CCDC171: variants seen among roughly 807,000 people sequenced by gnomAD.
CCDC171 encodes coiled-coil domain containing 171, also known as coiled-coil domain-containing protein 171.
A neutral mutation model predicts 168.2 loss-of-function variants in CCDC171; 177 were observed. The observed-to-expected ratio is 1.05, with a 90% CI of 0.93 to 1.19. CCDC171 has a LOEUF of 1.19. Ranked by LOEUF, CCDC171 falls within the 50% of genes most tolerant of loss-of-function variation. The probability of loss-of-function intolerance (pLI) is 0.00; values close to 1 mark genes in which losing one functional copy is unlikely to be tolerated. For synonymous variants in CCDC171, 687 were observed against 540.8 expected, an observed-to-expected ratio of 1.27 and a Z score of -3.75; for missense variants, 1,991 against 1,539.0, an observed-to-expected ratio of 1.29 and a Z score of -4.91.
At chr9:15,981,036 A>G (rs533657550) in intron 3 of CCDC171, among the ~76,000 whole-genome samples, 1 of 152,140 alleles carries the variant, frequency 6.6e-6, no homozygotes, top group South Asian at 2.1e-4. Flanking sequence ...GAAAACCCCC[A>G]TATAATAACC....
At chr9:15,644,467 A>G (rs1190092601) in intron 7 of CCDC171, among the ~76,000 whole-genome samples, 4 of 152,138 alleles carry the variant, frequency 2.6e-5, no homozygotes, top group Non-Finnish European at 5.9e-5. Flanking sequence ...GGGAAGTGCA[A>G]GGGGTCAGGG....
intron 25 of CCDC171, among the ~76,000 whole-genome samples, chr9:15,964,053 A>G (rs1349507226): frequency 1.3e-5 from 2 of 152,174 alleles, no homozygotes; most frequent in African/African-American, 4.8e-5. Context: ...TTTGACCATG[A>G]GGTAAAAGCC....
intron 7 of CCDC171, among the ~76,000 whole-genome samples, chr9:15,644,920 A>T (rs947311140): frequency 6.6e-6 from 1 of 152,202 alleles, no homozygotes; most frequent in Non-Finnish European, 1.5e-5. Context: ...GGAGTTTGAG[A>T]TCTGAGAACA....
At chr9:15,924,288 T>G (rs138690888) in intron 25 of CCDC171, among the ~76,000 whole-genome samples, 97 of 151,438 alleles carry the variant, frequency 6.4e-4, no homozygotes, top group African/African-American at 2.0e-3. Flanking sequence ...AAGTTTGGAT[T>G]CAGATTCTGG....
intron 7 of CCDC171, among the ~76,000 whole-genome samples, chr9:15,641,039 C>T (rs928902058): frequency 4.0e-5 from 6 of 151,824 alleles, no homozygotes; most frequent in South Asian, 2.1e-4. Context: ...AAATAAGCAT[C>T]GTAGAATTAA....
At chr9:15,729,844 T>A in intron 16 of CCDC171, 46 bp downstream of exon 16, 1 of 1,528,686 alleles carries the variant, frequency 6.5e-7, no homozygotes, top group African/African-American at 1.4e-5. Context: ...TTACTCAGTG[T>A]AACCATTAGA....
At chr9:15,882,453 C>T (rs1818775719) in intron 24 of CCDC171, among the ~76,000 whole-genome samples, 1 of 152,076 alleles carries the variant, frequency 6.6e-6, no homozygotes, top group Non-Finnish European at 1.5e-5. Flanking sequence ...GATGTAATCC[C>T]ATTTTTCTAT....
At chr9:15,711,801 G>C (rs1039754038) in intron 11 of CCDC171, among the ~76,000 whole-genome samples, 1 of 152,178 alleles carries the variant, frequency 6.6e-6, no homozygotes, top group Non-Finnish European at 1.5e-5. Context: ...TGTAAGTTGA[G>C]GCTGTCTGTA....
At chr9:16,058,128 C>A (rs1833871910) in intron 1 of CCDC171, among the ~76,000 whole-genome samples, 1 of 152,004 alleles carries the variant, frequency 6.6e-6, no homozygotes, top group African/African-American at 2.4e-5. Flanking sequence ...GGGGGACTAT[C>A]CAAAAAAATG....
intron 24 of CCDC171, among the ~76,000 whole-genome samples, chr9:15,905,951 C>T (rs1254143644): frequency 6.6e-6 from 1 of 152,174 alleles, no homozygotes; most frequent in African/African-American, 2.4e-5. Flanking sequence ...TGGACACATA[C>T]ACCCTCCCAA....
intron 23 of CCDC171, among the ~76,000 whole-genome samples, chr9:15,872,601 A>C (rs1392003926): frequency 2.6e-5 from 4 of 152,064 alleles, no homozygotes; most frequent in Non-Finnish European, 4.4e-5. Flanking sequence ...TCAATATCGC[A>C]GTTAAACTTG....
chr9:15,577,586 A>G lies in CCDC171; in HGVS notation c.178-1263A>G, dbSNP rs531103968. ...TAAACCCATCTTGAGACAATTTCTGATACCAAGAGCAATATTACTGGGTGT... is the reference window on the plus strand; with the variant it reads ...TAAACCCATCTTGAGACAATTTCTGGTACCAAGAGCAATATTACTGGGTGT... On this transcript the variant is annotated intron_variant, in intron 3 of 25. Transcript: ENST00000380701. Among the ~76,000 whole-genome samples the G allele has an allele frequency of 1.1e-4, 17 of 152,338 alleles. No homozygotes were observed. The South Asian group carries it at 3.1e-3, about 28-fold the overall frequency.
At chr9:15,953,976 C>T (rs1266404938) in intron 25 of CCDC171, among the ~76,000 whole-genome samples, 1 of 151,908 alleles carries the variant, frequency 6.6e-6, no homozygotes, top group Non-Finnish European at 1.5e-5. Flanking sequence ...GTTCATAGTA[C>T]TCTTACAATC....
intron 23 of CCDC171, among the ~76,000 whole-genome samples, chr9:15,855,781 C>T (rs2061327421): frequency 6.6e-6 from 1 of 151,732 alleles, no homozygotes; most frequent in Admixed American, 6.6e-5. Context: ...TGAATTAATG[C>T]CAACGTAGTG....
intron 6 of CCDC171, among the ~76,000 whole-genome samples, chr9:15,621,016 A>T (rs186428184): frequency 7.8e-4 from 119 of 152,252 alleles, no homozygotes; most frequent in African/African-American, 2.7e-3. Context: ...CCCAGGCTGG[A>T]GTGCAGTGGC....
At chr9:15,563,497 T>C (rs905631252) in intron 1 of CCDC171, among the ~76,000 whole-genome samples, 8 of 152,302 alleles carry the variant, frequency 5.3e-5, no homozygotes, top group Admixed American at 4.6e-4. Context: ...AATCCTTACA[T>C]TGCAGTGTTG....
intron 3 of CCDC171, among the ~76,000 whole-genome samples, chr9:15,575,154 C>T (rs1180119289): frequency 7.2e-6 from 1 of 138,632 alleles, no homozygotes; most frequent in African/African-American, 2.6e-5. Flanking sequence ...AGTGACATAA[C>T]TACTTTTTTT....
In CCDC171 at chr9:15,862,901, T is replaced by C. The variant is rs563013585; in HGVS notation, c.3469-11631T>C. Among the ~76,000 whole-genome samples, 3 of 152,072 alleles carry C rather than the reference T, an allele frequency of 2.0e-5. 1 individual carries two copies. In the South Asian group the frequency reaches 6.2e-4, roughly 31 times the overall value. On this transcript the variant is annotated intron_variant, in intron 23 of 25. Transcript: ENST00000380701. ...CACCCTCTGGTAATACTTGGAAAAG[T>C]TGGAATGTTGTATGTATGGCCCAAT...
chr9:15,786,443 C>A (rs1439962231), intron 21 of CCDC171, among the ~76,000 whole-genome samples: 4 of 151,900 alleles, frequency 2.6e-5, no homozygotes, highest in Admixed American at 6.6e-5. Flanking sequence ...TATATATATT[C>A]CAGACTTTAT....
Sources: gnomAD v4.1 joint callset for allele counts (sites outside exome capture counted in the v4.1 genomes callset) on GRCh38, gnomAD v4.1.1 for gene constraint, MANE v1.5 for transcripts, NCBI Gene and HGNC (gene_info 2026-07-23, HGNC 2026-07-21) for gene names.